The following PTK2 variants were observed in gnomAD, a reference collection of about 807,000 sequenced individuals.
The protein encoded by PTK2 is protein tyrosine kinase 2.
PTK2 carries 45 observed loss-of-function variants against 150.1 expected under a neutral mutation model. The observed-to-expected ratio is 0.30, with a 90% CI of 0.24 to 0.38. PTK2 has a LOEUF of 0.38. Ranked by LOEUF, PTK2 falls within the 10% of genes least tolerant of loss-of-function variation. PTK2 has a pLI of 1.00. For synonymous variants in PTK2, 432 were observed against 449.2 expected (o/e 0.96, Z 0.48); for missense variants, 919 against 1,307.3 (o/e 0.70, Z 4.58).
intron 13 of PTK2, 100 bp from the exon 14 acceptor site, chr8:140,789,626 A>C: frequency 9.7e-7 from 1 of 1,030,336 alleles, no homozygotes; most frequent in Non-Finnish European, 1.4e-6. Context: ...AGGAAGACAA[A>C]ATTTTAGATA....
At chr8:140,839,554 A>G (rs2100121019) in intron 7 of PTK2, among the ~76,000 whole-genome samples, 1 of 152,258 alleles carries the variant, frequency 6.6e-6, no homozygotes, top group Non-Finnish European at 1.5e-5. Flanking sequence ...CATCACATGA[A>G]ATGGAATGTC....
chr8:140,692,810 C>T (rs547133872), intron 26 of PTK2, among the ~76,000 whole-genome samples: 2 of 152,248 alleles, frequency 1.3e-5, no homozygotes, highest in South Asian at 2.1e-4. Context: ...AGCTGTTGGC[C>T]TTGCTGCGTA....
chr8:140,879,464 A>G lies in PTK2; in HGVS notation c.362+7T>C. On this transcript the variant is annotated splice_region_variant and intron_variant, in intron 4 of 31. Transcript: ENST00000522684. Reference sequence around the variant, plus strand: ...GTGCATCACACCAAAGCAGGTTTGTATCTTACTTCCACTCCTCTGGTGGGT... The same window carrying G: ...GTGCATCACACCAAAGCAGGTTTGTGTCTTACTTCCACTCCTCTGGTGGGT... 6.3e-7 allele frequency: 1 copy of G among 1,599,262 alleles called. No individual in the cohort carries two copies. The highest frequency in any genetic ancestry group is 8.5e-7 in the Non-Finnish European group (1 of 1,173,870).
intron 8 of PTK2, among the ~76,000 whole-genome samples, chr8:140,826,730 C>A (rs1464422739): frequency 6.6e-6 from 1 of 152,028 alleles, no homozygotes; most frequent in Admixed American, 6.6e-5. Context: ...GCCAGGGCAA[C>A]ATGGTAAAAC....
At chr8:140,917,406 G>A (rs1602798862) in intron 2 of PTK2, among the ~76,000 whole-genome samples, 1 of 151,928 alleles carries the variant, frequency 6.6e-6, no homozygotes. Flanking sequence ...GAGGAGAGGA[G>A]AGGAAAAAGG....
chr8:140,871,611 TA>T (rs1460153978), intron 4 of PTK2, among the ~76,000 whole-genome samples: 1 of 152,134 alleles, frequency 6.6e-6, no homozygotes, highest in Admixed American at 6.6e-5. Context: ...TCAGCCTGGG[TA>T]ACATATCAAG....
At chr8:140,732,978 T>A (rs932178113) in intron 22 of PTK2, among the ~76,000 whole-genome samples, 1 of 152,118 alleles carries the variant, frequency 6.6e-6, no homozygotes, top group African/African-American at 2.4e-5. Context: ...CAGGCCATAA[T>A]GAAATGAGGC....
At chr8:140,914,417 G>C (rs1314673114) in intron 2 of PTK2, among the ~76,000 whole-genome samples, 1 of 116,832 alleles carries the variant, frequency 8.6e-6, no homozygotes, top group African/African-American at 2.7e-5. Context: ...ACCAAGTTTT[G>C]GGTTTTTTTT....
intron 5 of PTK2, among the ~76,000 whole-genome samples, chr8:140,858,153 G>A (rs147710882): frequency 1.9e-4 from 29 of 152,182 alleles, no homozygotes; most frequent in South Asian, 4.2e-4. Flanking sequence ...AACTGGTCAC[G>A]GTTGAGGAGA....
chr8:140,694,080 G>A (rs868223378), intron 26 of PTK2, among the ~76,000 whole-genome samples: 39 of 143,934 alleles, frequency 2.7e-4, no homozygotes, highest in African/African-American at 8.2e-4. Context: ...TCGCTCTGTC[G>A]CCCAGGCTGG....
chr8:140,818,297 G>A (rs765221851), exon 10 of PTK2: 2 of 1,613,932 alleles, frequency 1.2e-6, no homozygotes, highest in South Asian at 2.2e-5. Context: ...TTGTCCGTTA[G>A]GTAACTGATT....
At chr8:140,955,228 G>A (rs2100180827) in intron 1 of PTK2, among the ~76,000 whole-genome samples, 2 of 152,192 alleles carry the variant, frequency 1.3e-5, no homozygotes, top group African/African-American at 4.8e-5. Context: ...CCCATGTGTT[G>A]TGGGAGGGAC....
At chr8:140,660,555 C>A (rs532366805) in intron 31 of PTK2, 7 of 451,014 alleles carry the variant, frequency 1.6e-5, no homozygotes, top group South Asian at 6.3e-5. Context: ...GAAACCCCAT[C>A]TCTACAAAAA....
At chr8:140,713,739 C>T (rs904839252) in intron 23 of PTK2, among the ~76,000 whole-genome samples, 4 of 152,232 alleles carry the variant, frequency 2.6e-5, no homozygotes, top group East Asian at 3.9e-4. Flanking sequence ...GGGCTTGTCT[C>T]AGGGAAAGTT....
At chr8:140,669,770 G>T (rs1277801163) in intron 29 of PTK2, 35 bp from the exon 33 acceptor site, 1 of 1,522,696 alleles carries the variant, frequency 6.6e-7, no homozygotes. Flanking sequence ...AAAGTTAAAG[G>T]AATTTATCAG....
At chr8:140,942,628 G>A (rs1335474092) in intron 1 of PTK2, among the ~76,000 whole-genome samples, 7 of 138,864 alleles carry the variant, frequency 5.0e-5, no homozygotes, top group African/African-American at 1.0e-4. Context: ...GAGTGCGTGC[G>A]TGTGTGTGTG....
At chr8:140,969,033 T>C (rs946227517) in intron 1 of PTK2, among the ~76,000 whole-genome samples, 2 of 152,072 alleles carry the variant, frequency 1.3e-5, no homozygotes, top group Non-Finnish European at 2.9e-5. Flanking sequence ...AATAAGCACA[T>C]TGCACCCTGT....
chr8:140,880,565 A>G (rs1464949474), intron 3 of PTK2, among the ~76,000 whole-genome samples: 3 of 152,170 alleles, frequency 2.0e-5, no homozygotes, highest in African/African-American at 7.2e-5. Context: ...TTTTTTTTTA[A>G]ATGATGCTGA....
At chr8:140,887,500 T>C (rs1164297966) in intron 3 of PTK2, among the ~76,000 whole-genome samples, 2 of 152,356 alleles carry the variant, frequency 1.3e-5, no homozygotes, top group South Asian at 2.1e-4. Context: ...AACTGAAGCA[T>C]GATAAAGGCT....
Sources: allele counts gnomAD v4.1 joint callset (sites outside exome capture counted in the v4.1 genomes callset), GRCh38; gene constraint gnomAD v4.1.1; transcripts MANE v1.5; gene names NCBI Gene and HGNC (gene_info 2026-07-23, HGNC 2026-07-21).